Variants in TINAG observed in about 807,000 individuals in gnomAD.
The protein encoded by TINAG is tubulointerstitial nephritis antigen.
A neutral mutation model predicts 72.7 loss-of-function variants in TINAG; 83 were observed. The ratio of observed to expected loss-of-function variants is 1.14; its 90% confidence interval spans 0.96 to 1.37. The LOEUF is 1.37. Ranked by LOEUF, TINAG falls within the 40% of genes most tolerant of loss-of-function variation. The pLI is 0.00. For missense variants in TINAG, 685 were observed against 576.6 expected, an observed-to-expected ratio of 1.19 and a Z score of -1.93; for synonymous variants, 234 against 189.9, an observed-to-expected ratio of 1.23 and a Z score of -1.91.
chr6:54,360,116 G>A (rs753850197), intron 9 of TINAG, among the ~76,000 whole-genome samples: 38 of 151,618 alleles, frequency 2.5e-4, no homozygotes, highest in Non-Finnish European at 4.9e-4. Context: ...AGATACATTC[G>A]CAATTGATTC....
intron 10 of TINAG, among the ~76,000 whole-genome samples, chr6:54,386,841 T>G (rs1460632387): frequency 6.6e-6 from 1 of 152,150 alleles, no homozygotes; most frequent in African/African-American, 2.4e-5. Flanking sequence ...TAGGCAAATA[T>G]GTTTGTGATA....
At position 54,356,918 on chromosome 6, in the gene TINAG, T is replaced by TAA. The variant is rs35183858; in HGVS notation, c.1250+2292_1250+2293dup. On this transcript the variant is annotated intron_variant, in intron 9 of 10. Coordinates refer to ENST00000259782, the MANE Select transcript of TINAG (RefSeq NM_014464.4). ...CAAATAGTGTTGTTATCCCTCAGAT[T>TAA]AAAAAAAAAAACCTCAGCACTTTTT... Among the ~76,000 whole-genome samples the TAA allele has an allele frequency of 1.6e-3, 228 of 147,044 alleles. 1 individual carries two copies. In the South Asian group the frequency reaches 0.017, roughly 11 times the overall value.
Position 54,347,408 on chromosome 6 carries a change from T to C in TINAG, c.790T>C (p.Tyr264His). The C allele has an allele frequency of 2.5e-6, 4 of 1,613,246 alleles. No individual in the cohort carries two copies. The highest frequency in any genetic ancestry group is 3.4e-6 in the Non-Finnish European group (4 of 1,179,542). Residue 264 changes from tyrosine to histidine, a missense_variant, in exon 6 of 11, where the codon TAC (tyrosine) becomes CAC (histidine). Transcript: ENST00000259782. ...DRIAIQSKGR[Y>H]TANLSPQNLI... The stretch of plus-strand genomic sequence containing the variant: ...AATAGCAATTCAGTCTAAGGGTCGA[T>C]ACACGGCCAATCTATCCCCTCAGAA...
At chr6:54,361,396 C>T (rs1028197532) in intron 9 of TINAG, among the ~76,000 whole-genome samples, 2 of 151,588 alleles carry the variant, frequency 1.3e-5, no homozygotes, top group African/African-American at 4.8e-5. Context: ...AGGAAACTTA[C>T]AATCATGGCC....
intron 6 of TINAG, among the ~76,000 whole-genome samples, 187 bp downstream of exon 6, chr6:54,347,704 T>G (rs528594202): frequency 6.6e-6 from 1 of 152,222 alleles, no homozygotes; most frequent in South Asian, 2.1e-4. Flanking sequence ...TAGAAGCTAT[T>G]AGAAACACCT....
rs1284889281 is a variant in TINAG at position 54,351,266 on chromosome 6, T to C, written c.1081-86T>C. On this transcript the variant is annotated intron_variant, in intron 7 of 10. Transcript: ENST00000259782. ...TTTCAAAGTACAATTGAGAGTAAATTGCAAACACTTAACATTGTACACCAA... is the reference window on the plus strand; with the variant it reads ...TTTCAAAGTACAATTGAGAGTAAATCGCAAACACTTAACATTGTACACCAA... 10 of 1,199,652 alleles carry C rather than the reference T, an allele frequency of 8.3e-6. No homozygotes were observed. In the East Asian group the frequency reaches 2.2e-4, roughly 27 times the overall value. The allele number at this position is 1,199,652 out of a possible 1,614,324, so 74.3% of individuals were successfully genotyped here.
At chr6:54,385,047 T>C (rs1311400756) in intron 10 of TINAG, among the ~76,000 whole-genome samples, 1 of 151,956 alleles carries the variant, frequency 6.6e-6, no homozygotes, top group African/African-American at 2.4e-5. Flanking sequence ...AATGCATGCA[T>C]TGGAAAAGAA....
intron 9 of TINAG, among the ~76,000 whole-genome samples, chr6:54,371,352 C>T (rs899804640): frequency 3.9e-5 from 6 of 152,002 alleles, no homozygotes; most frequent in South Asian, 2.1e-4. Flanking sequence ...AAGTTTCCCT[C>T]TGTCTTATTG....
At chr6:54,360,861 T>A (rs1298722564) in intron 9 of TINAG, among the ~76,000 whole-genome samples, 1 of 131,892 alleles carries the variant, frequency 7.6e-6, no homozygotes, top group East Asian at 2.3e-4. Flanking sequence ...TTTTTTTTTT[T>A]TTTTTTTTTT....
rs267601079 is a variant in TINAG at position 54,308,608 on chromosome 6, G to A, written c.58G>A (p.Glu20Lys). ...FSYLTTEIWM[E>K]KQYLSQREVD... The stretch of plus-strand genomic sequence containing the variant: ...TTATCTTACTACAGAAATCTGGATG[G>A]AGAAGCAGTATTTATCTCAAAGAGA... The change falls in exon 1 of 11, where the codon GAG becomes AAG. Residue 20 changes from glutamate (E) to lysine (K), a missense_variant. Coordinates refer to ENST00000259782, the MANE Select transcript of TINAG (RefSeq NM_014464.4). 6.2e-7 allele frequency: 1 copy of A among 1,613,586 alleles called. No individual in the cohort carries two copies. The highest frequency in any genetic ancestry group is 1.1e-5 in the South Asian group (1 of 91,052).
chr6:54,346,447 T>TCA, intron 5 of TINAG, among the ~76,000 whole-genome samples: 1 of 151,804 alleles, frequency 6.6e-6, no homozygotes, highest in Non-Finnish European at 1.5e-5. Flanking sequence ...ATGATATTAG[T>TCA]TAACAATATG....
intron 6 of TINAG, 79 bp from the exon 7 acceptor site, chr6:54,349,637 T>G: frequency 7.9e-7 from 1 of 1,265,612 alleles, no homozygotes; most frequent in Non-Finnish European, 1.1e-6. Context: ...GAATGTTTAA[T>G]TCAGTAAGAT....
chr6:54,381,447 C>T (rs1489361763), intron 10 of TINAG, among the ~76,000 whole-genome samples: 1 of 151,672 alleles, frequency 6.6e-6, no homozygotes, highest in African/African-American at 2.4e-5. Context: ...CATATTTTGG[C>T]TTACAAAGCA....
chr6:54,348,934 T>C (rs565022180), intron 6 of TINAG, among the ~76,000 whole-genome samples: 2 of 152,236 alleles, frequency 1.3e-5, no homozygotes, highest in South Asian at 4.1e-4. Flanking sequence ...TGGATACTTC[T>C]ATGGCCATTT....
chr6:54,312,838 A>G (rs550718976), intron 1 of TINAG, among the ~76,000 whole-genome samples: 6 of 152,264 alleles, frequency 3.9e-5, no homozygotes, highest in African/African-American at 1.4e-4. Flanking sequence ...TGAGTGGTGG[A>G]TGCCACCTTT....
intron 9 of TINAG, among the ~76,000 whole-genome samples, chr6:54,375,355 C>G (rs1051854186): frequency 6.6e-6 from 1 of 152,046 alleles, no homozygotes; most frequent in African/African-American, 2.4e-5. Flanking sequence ...AGAGCCATAT[C>G]AGTAGAGAAA....
At chr6:54,384,564 G>A (rs1210020054) in intron 10 of TINAG, among the ~76,000 whole-genome samples, 3 of 152,070 alleles carry the variant, frequency 2.0e-5, no homozygotes, top group African/African-American at 4.8e-5. Flanking sequence ...AAATGACATT[G>A]CTAAAATGCT....
chr6:54,330,627 G>A (rs1480889936), intron 4 of TINAG, among the ~76,000 whole-genome samples: 1 of 151,978 alleles, frequency 6.6e-6, no homozygotes, highest in Non-Finnish European at 1.5e-5. Context: ...GAAGGAGATA[G>A]AGACATGAAA....
At chr6:54,388,218 AT>A (rs1423722567) in intron 10 of TINAG, among the ~76,000 whole-genome samples, 2 of 152,206 alleles carry the variant, frequency 1.3e-5, no homozygotes, top group African/African-American at 4.8e-5. Context: ...GACTAAAAAA[AT>A]ATGAAAATTG....
Sources: gnomAD v4.1 joint callset for allele counts (sites outside exome capture counted in the v4.1 genomes callset) on GRCh38, gnomAD v4.1.1 for gene constraint, MANE v1.5 for transcripts, NCBI Gene and HGNC (gene_info 2026-07-23, HGNC 2026-07-21) for gene names.